CA10: variants seen among roughly 807,000 people sequenced by gnomAD.
The protein encoded by CA10 is carbonic anhydrase-related protein 10.
CA10 carries 14 observed loss-of-function variants against 44.2 expected under a neutral mutation model. The ratio of observed to expected loss-of-function variants is 0.32; its 90% confidence interval spans 0.21 to 0.50. The LOEUF (loss-of-function observed/expected upper bound fraction) is 0.50. Ranked by LOEUF, CA10 falls within the 20% of genes least tolerant of loss-of-function variation. CA10 has a pLI of 0.99. For synonymous variants in CA10, 159 were observed against 141.6 expected (o/e 1.12, Z -0.87); for missense variants, 350 against 409.7 (o/e 0.85, Z 1.26).
chr17:51,698,953 T>C lies in CA10; in HGVS notation c.466-45217A>G, dbSNP rs1339159266. ...ATTCATCTGTTCATGAACATTATGT[T>C]GTTTCTATATATTGGTTATTATGAA... On this transcript the variant is annotated intron_variant, in intron 4 of 8. Coordinates refer to ENST00000451037, the MANE Select transcript of CA10 (RefSeq NM_020178.5). Among the ~76,000 whole-genome samples the C allele has an allele frequency of 2.0e-5, 3 of 152,176 alleles. No individual in the cohort carries two copies. In the East Asian group the frequency reaches 5.8e-4, roughly 29 times the overall value.
intron 3 of CA10, among the ~76,000 whole-genome samples, chr17:51,760,042 C>T (rs1416279161): frequency 6.6e-6 from 1 of 152,152 alleles, no homozygotes; most frequent in East Asian, 1.9e-4. Context: ...ATCCCTGATT[C>T]ACAGGGCTTC....
At chr17:51,997,923 A>C (rs1370726390) in intron 2 of CA10, among the ~76,000 whole-genome samples, 1 of 152,074 alleles carries the variant, frequency 6.6e-6, no homozygotes, top group Admixed American at 6.6e-5. Context: ...AGTCAACATA[A>C]GCTGTTGTAA....
intron 3 of CA10, among the ~76,000 whole-genome samples, chr17:51,900,155 G>A (rs1981250032): frequency 6.6e-6 from 1 of 152,048 alleles, no homozygotes; most frequent in Admixed American, 6.6e-5. Context: ...TGTTCCTGTG[G>A]TGGCCCATAA....
At chr17:52,049,371 C>T (rs1986996626) in intron 2 of CA10, among the ~76,000 whole-genome samples, 1 of 151,984 alleles carries the variant, frequency 6.6e-6, no homozygotes, top group Non-Finnish European at 1.5e-5. Context: ...TAAAATATGG[C>T]CAACAATCAT....
rs553029308 is a variant in CA10, at chr17:52,011,875, G to GT, written c.136+60443dup. ...AAGTAAAAACTCAGAAATGAGAATT[G>GT]TTTTTCCCAGGTAACTAGTCTCAAG... On this transcript the variant is annotated intron_variant, in intron 2 of 8. Coordinates refer to ENST00000451037, the MANE Select transcript of CA10 (RefSeq NM_020178.5). Among the ~76,000 whole-genome samples the GT allele has an allele frequency of 2.0e-5, 3 of 152,144 alleles. No homozygotes were observed. The South Asian group carries it at 6.2e-4, about 32-fold the overall frequency.
At position 51,800,926 on chromosome 17, in the gene CA10, T is replaced by A. The variant is rs371524295; in HGVS notation, c.280-53108A>T. ...ATTCGGCAGGTGGGCCCAGAAGAAGTACTTGCCCTCTCTGGTCCTACCTGG... is the reference window on the plus strand; with the variant it reads ...ATTCGGCAGGTGGGCCCAGAAGAAGAACTTGCCCTCTCTGGTCCTACCTGG... On this transcript the variant is annotated intron_variant, in intron 3 of 8. Coordinates refer to ENST00000451037, the MANE Select transcript of CA10 (RefSeq NM_020178.5). Among the ~76,000 whole-genome samples, 5 of 152,160 alleles carry A rather than the reference T, an allele frequency of 3.3e-5. No homozygotes were observed. In the East Asian group the frequency reaches 9.6e-4, roughly 29 times the overall value.
At chr17:51,932,903 CT>C (rs5820886) in intron 2 of CA10, among the ~76,000 whole-genome samples, 151,048 of 152,120 alleles carry the variant, frequency 0.99, 74,995 homozygotes, top group East Asian at 1. Flanking sequence ...TTCTAAACTA[CT>C]TTTTTTTAAA....
chr17:51,908,900 T>C (rs1413437309), intron 3 of CA10, among the ~76,000 whole-genome samples: 1 of 152,166 alleles, frequency 6.6e-6, no homozygotes, highest in Non-Finnish European at 1.5e-5. Context: ...AATCAAACTC[T>C]GATTATGCTA....
chr17:52,081,593 G>A (rs1373410443), intron 1 of CA10, among the ~76,000 whole-genome samples: 1 of 152,044 alleles, frequency 6.6e-6, no homozygotes, highest in Non-Finnish European at 1.5e-5. Flanking sequence ...GAGGTCAGGA[G>A]ATCGAGACCA....
chr17:52,037,057 T>C (rs1230078903), intron 2 of CA10, among the ~76,000 whole-genome samples: 2 of 151,942 alleles, frequency 1.3e-5, no homozygotes, highest in African/African-American at 4.8e-5. Flanking sequence ...TTAAGACAAG[T>C]GATGTGGTAA....
intron 2 of CA10, among the ~76,000 whole-genome samples, chr17:51,999,504 G>A (rs920926966): frequency 6.6e-6 from 1 of 151,982 alleles, no homozygotes; most frequent in Admixed American, 6.6e-5. Flanking sequence ...TGAGTATGAG[G>A]CACTGGTGTA....
intron 2 of CA10, among the ~76,000 whole-genome samples, chr17:51,983,220 T>C (rs1038537710): frequency 7.6e-4 from 115 of 151,996 alleles, no homozygotes; most frequent in African/African-American, 2.7e-3. Flanking sequence ...CCCTGTCAGC[T>C]TTCTTCACAT....
intron 3 of CA10, among the ~76,000 whole-genome samples, chr17:51,869,107 G>A (rs28376097): frequency 0.13 from 19,305 of 151,822 alleles, 1,583 homozygotes; most frequent in African/African-American, 0.24. Flanking sequence ...TAAATTATCA[G>A]GGGGGAAAAG....
At chr17:51,933,652 C>T (rs1982751253) in intron 2 of CA10, among the ~76,000 whole-genome samples, 1 of 152,102 alleles carries the variant, frequency 6.6e-6, no homozygotes, top group Admixed American at 6.6e-5. Context: ...ACCCCTTTAC[C>T]TTTAAAACTC....
At chr17:51,805,326 AAGTCTCTCCCTTAAGGG>A (rs1172419711) in intron 3 of CA10, among the ~76,000 whole-genome samples, 1 of 152,228 alleles carries the variant, frequency 6.6e-6, no homozygotes, top group Non-Finnish European at 1.5e-5. Context: ...GATTGAGTAA[AAGTCTCTCCCTTAAGGG>A]AGATTTTATT....
chr17:51,795,784 C>T (rs891404675), intron 3 of CA10, among the ~76,000 whole-genome samples: 2 of 152,210 alleles, frequency 1.3e-5, no homozygotes, highest in Non-Finnish European at 2.9e-5. Context: ...CATCCTCACT[C>T]GTGGTGGTCA....
intron 3 of CA10, among the ~76,000 whole-genome samples, chr17:51,830,362 C>G (rs994674140): frequency 6.6e-6 from 1 of 151,900 alleles, no homozygotes; most frequent in African/African-American, 2.4e-5. Context: ...TTTTTGTTCT[C>G]TCTCTCAATC....
In CA10 at chr17:51,932,292, C is replaced by A. The variant is rs117009840; in HGVS notation, c.137-1160G>T. 7.7e-4 allele frequency among the ~76,000 whole-genome samples: 117 copies of A among 152,202 alleles called. 1 individual carries two copies. In the East Asian group the frequency reaches 0.022, roughly 29 times the overall value. ...ATTAGCCTTCTTAAATGGACCTGTC[C>A]TCTCAGAAACTCAAGTTTAATTAAA... is the stretch of plus-strand genomic sequence containing the variant. On this transcript the variant is annotated intron_variant, in intron 2 of 8. Transcript: ENST00000451037.
chr17:51,711,655 A>G (rs921868426), intron 4 of CA10, among the ~76,000 whole-genome samples: 1 of 152,260 alleles, frequency 6.6e-6, no homozygotes, highest in Non-Finnish European at 1.5e-5. Context: ...AAAGCGGGAC[A>G]GAGCTGAAAC....
Sources: allele counts gnomAD v4.1 joint callset (sites outside exome capture counted in the v4.1 genomes callset), GRCh38; gene constraint gnomAD v4.1.1; transcripts MANE v1.5; gene names NCBI Gene and HGNC (gene_info 2026-07-23, HGNC 2026-07-21).